Variants in ATP2C1 observed in about 807,000 individuals in gnomAD.
ATP2C1 encodes calcium-transporting ATPase type 2C member 1.
Under a neutral mutation model 120.5 loss-of-function variants are expected in ATP2C1, and 31 were observed. That is an observed-to-expected ratio of 0.26 (90% confidence interval 0.19 to 0.35). ATP2C1 has a LOEUF of 0.35. ATP2C1 is among the 10% of genes least tolerant of loss of function. The pLI is 1.00. For missense variants in ATP2C1, 731 were observed against 1,107.5 expected (o/e 0.66, Z 4.83); for synonymous variants, 351 against 358.7 (o/e 0.98, Z 0.24).
chr3:130,850,963 G>A (rs1234357897), intron 1 of ATP2C1: 6 of 1,151,010 alleles, frequency 5.2e-6, no homozygotes, highest in East Asian at 3.1e-5. Flanking sequence ...TAAAATGAAC[G>A]GGTGCTTGTT....
At chr3:130,982,495 A>C (rs1576984305) in intron 20 of ATP2C1, among the ~76,000 whole-genome samples, 2 of 152,164 alleles carry the variant, frequency 1.3e-5, no homozygotes, top group East Asian at 3.8e-4. Flanking sequence ...GCCCCATAAG[A>C]GGTGGGCAGC....
chr3:130,936,410 G>T (rs904382433), intron 5 of ATP2C1, among the ~76,000 whole-genome samples: 22 of 152,314 alleles, frequency 1.4e-4, no homozygotes, highest in African/African-American at 5.3e-4. Context: ...AAGGTGCATT[G>T]ATACAGTTTT....
At chr3:131,009,609 ACTTC>A (rs1243912563) in intron 26 of ATP2C1, among the ~76,000 whole-genome samples, 3 of 152,128 alleles carry the variant, frequency 2.0e-5, no homozygotes, top group African/African-American at 7.2e-5. Context: ...AAATTTTAAA[ACTTC>A]CTTCCTTAAC....
chr3:130,978,539 A>G (rs538941121), intron 18 of ATP2C1, among the ~76,000 whole-genome samples: 98 of 152,296 alleles, frequency 6.4e-4, no homozygotes, highest in African/African-American at 2.2e-3. Context: ...TATATCTTAC[A>G]TGCCCAAGGA....
At position 130,937,475 on chromosome 3, in the gene ATP2C1, A is replaced by G. The variant is rs2059720671; in HGVS notation, c.360+12A>G. 9 of 1,611,690 alleles carry G rather than the reference A, an allele frequency of 5.6e-6. No homozygotes were observed. The highest frequency in any genetic ancestry group is 1.1e-5 in the South Asian group (1 of 91,048). Reference sequence around the variant, plus strand: ...TTGCCTTTGTTCAGGTAAGTACTCTATTTTGCCAACATGAAAATGGTATGT... The same window carrying G: ...TTGCCTTTGTTCAGGTAAGTACTCTGTTTTGCCAACATGAAAATGGTATGT... On this transcript the variant is annotated intron_variant, in intron 6 of 27. Transcript: ENST00000510168.
chr3:130,965,018 A>T lies in ATP2C1; in HGVS notation c.1095A>T (p.Ile365=). Residue 365 remains isoleucine, a synonymous_variant, in exon 14 of 28, where the codon ATA becomes ATT. Transcript: ENST00000510168. ...AGAATGAAATGACTGTTACTCACATATTTACTTCAGATGGTCTGCATGCTG... is the reference window on the plus strand; with the variant it reads ...AGAATGAAATGACTGTTACTCACATTTTTACTTCAGATGGTCTGCATGCTG... ...LTKNEMTVTH[I]FTSDGLHAEV... 6.2e-7 allele frequency: 1 copy of T among 1,611,720 alleles called. No individual in the cohort carries two copies. Among genetic ancestry groups the T allele is most frequent in the South Asian group, 1.1e-5 (1 of 91,016 alleles).
chr3:131,003,670 A>C (rs189868566), downstream of ATP2C1, among the ~76,000 whole-genome samples: 4 of 152,290 alleles, frequency 2.6e-5, no homozygotes, highest in Non-Finnish European at 1.5e-5. Flanking sequence ...CTCCCCTCTC[A>C]GGATACAGGC....
In ATP2C1 at chr3:130,934,402, A is replaced by G. The variant is rs1160763005; in HGVS notation, c.235-220A>G. Among the ~76,000 whole-genome samples the G allele has an allele frequency of 3.3e-5, 5 of 149,740 alleles. No individual in the cohort carries two copies. In the South Asian group the frequency reaches 6.4e-4, roughly 19 times the overall value. ...TTAATTCTTAGTTTTAAGTATTGCT[A>G]TTTAATTTTTTTTTTCTGAAAAGGA... is the stretch of plus-strand genomic sequence containing the variant. On this transcript the variant is annotated intron_variant, in intron 4 of 27. Transcript: ENST00000510168.
chr3:131,005,895 TG>T (rs1464749212), downstream of ATP2C1, among the ~76,000 whole-genome samples: 1 of 152,324 alleles, frequency 6.6e-6, no homozygotes, highest in Admixed American at 6.5e-5. Flanking sequence ...TCTGAATTAC[TG>T]GTAGCAATTT....
intron 5 of ATP2C1, among the ~76,000 whole-genome samples, chr3:130,936,593 A>G (rs2059679222): frequency 6.6e-6 from 1 of 151,936 alleles, no homozygotes; most frequent in South Asian, 2.1e-4. Flanking sequence ...CGGGTGGATC[A>G]TGAGGTCAGG....
upstream of ATP2C1, among the ~76,000 whole-genome samples, chr3:130,893,357 C>T (rs1046755140): frequency 1.3e-5 from 2 of 152,196 alleles, no homozygotes; most frequent in Non-Finnish European, 2.9e-5. Flanking sequence ...AAAAGATTAG[C>T]TCTCCCTGGA....
chr3:130,862,918 C>G (rs1376139930), intron 1 of ATP2C1, among the ~76,000 whole-genome samples: 2 of 152,162 alleles, frequency 1.3e-5, no homozygotes, highest in Admixed American at 6.5e-5. Context: ...AAAGAGTGCT[C>G]TCAAGCCAAT....
At chr3:130,907,700 A>G (rs1440631006) in intron 2 of ATP2C1, among the ~76,000 whole-genome samples, 1 of 149,360 alleles carries the variant, frequency 6.7e-6, no homozygotes, top group Admixed American at 6.7e-5. Context: ...TGAAACTGGA[A>G]GTGTGAGACC....
intron 12 of ATP2C1, among the ~76,000 whole-genome samples, chr3:130,960,204 T>A (rs1390576966): frequency 1.3e-5 from 2 of 152,168 alleles, no homozygotes; most frequent in African/African-American, 2.4e-5. Context: ...CTTTTTGGGT[T>A]CTTCTAAACA....
chr3:130,940,152 T>G (rs2059831607), intron 6 of ATP2C1, among the ~76,000 whole-genome samples: 1 of 152,242 alleles, frequency 6.6e-6, no homozygotes, highest in South Asian at 2.1e-4. Flanking sequence ...AGCCACATCT[T>G]ACTCCTTGTT....
At chr3:130,954,947 G>C (rs2060515481) in intron 9 of ATP2C1, 65 bp from the exon 10 acceptor site, 1 of 1,065,092 alleles carries the variant, frequency 9.4e-7, no homozygotes, top group Non-Finnish European at 1.5e-6. Context: ...TTGGATGTGT[G>C]TGTGTATGTG....
At chr3:130,853,506 T>C (rs1311469778) in intron 1 of ATP2C1, among the ~76,000 whole-genome samples, 1 of 152,168 alleles carries the variant, frequency 6.6e-6, no homozygotes, top group African/African-American at 2.4e-5. Flanking sequence ...CAGAACACCA[T>C]CTGCTTCTTT....
At chr3:130,851,948 C>G (rs529084525) in intron 1 of ATP2C1, among the ~76,000 whole-genome samples, 7 of 152,280 alleles carry the variant, frequency 4.6e-5, no homozygotes, top group Non-Finnish European at 1.0e-4. Flanking sequence ...ACAGAAAATC[C>G]TCTCATGACA....
rs186234529 is a variant in ATP2C1, at chr3:130,925,221, T to G, written c.7-5195T>G. ...GGTAGACTATGTCAGAGGGAAGATC[T>G]GGGATTCAAGGGCTGCTTTTCAGAT... On this transcript the variant is annotated intron_variant, in intron 2 of 27. Coordinates refer to ENST00000510168, the MANE Select transcript of ATP2C1 (RefSeq NM_001378687.1). Among the ~76,000 whole-genome samples the G allele has an allele frequency of 9.2e-5, 14 of 152,308 alleles. 1 individual carries two copies. The East Asian group carries it at 2.7e-3, about 29-fold the overall frequency.
Sources: gnomAD v4.1 joint callset for allele counts (sites outside exome capture counted in the v4.1 genomes callset) on GRCh38, gnomAD v4.1.1 for gene constraint, MANE v1.5 for transcripts, NCBI Gene and HGNC (gene_info 2026-07-23, HGNC 2026-07-21) for gene names.